Variants in UBE3C observed in about 807,000 individuals in gnomAD.
UBE3C encodes the protein ubiquitin protein ligase E3C, also known as ubiquitin-protein ligase E3C.
Under a neutral mutation model 129.4 loss-of-function variants are expected in UBE3C, and 42 were observed. The ratio of observed to expected loss-of-function variants is 0.32; its 90% CI spans 0.25 to 0.42. UBE3C has a LOEUF of 0.42. Ranked by LOEUF, UBE3C falls within the 10% of genes least tolerant of loss-of-function variation. The pLI, the probability that UBE3C is intolerant of heterozygous loss-of-function variation, is 1.00. For missense variants in UBE3C, 1,049 were observed against 1,319.1 expected, an observed-to-expected ratio of 0.80 and a Z score of 3.17; for synonymous variants, 510 against 492.4, an observed-to-expected ratio of 1.04 and a Z score of -0.47.
At chr7:157,167,488 C>G (rs1455638778) in intron 2 of UBE3C, among the ~76,000 whole-genome samples, 7 of 151,918 alleles carry the variant, frequency 4.6e-5, no homozygotes, top group Non-Finnish European at 8.8e-5. Context: ...GGAAGTGATG[C>G]TCACCTGTAA....
In UBE3C at chr7:157,207,548, C is replaced by T. The variant is rs938115253; in HGVS notation, c.1569C>T (p.Pro523=). ...ATGATAACGAATTCTTCGGTGATCC[C>T]ATAGAAGGTAAGGATTTTGAGAAAC... ...SIHDNEFFGD[P]IEVVGQRQSS... The change falls in exon 12 of 23, where the codon CCC becomes CCT. Residue 523 remains proline (P), a synonymous_variant. Transcript: ENST00000348165. 8 of 1,610,710 alleles carry T rather than the reference C, an allele frequency of 5.0e-6. No individual in the cohort carries two copies. Among genetic ancestry groups the T allele is most frequent in the African/African-American group, 2.7e-5 (2 of 74,572 alleles).
chr7:157,247,759 C>T (rs561599522), intron 18 of UBE3C, among the ~76,000 whole-genome samples: 4 of 152,124 alleles, frequency 2.6e-5, no homozygotes, highest in African/African-American at 9.6e-5. Context: ...AAATTTGGAA[C>T]ATAGCCACCC....
chr7:157,178,916 T>G, intron 6 of UBE3C, 69 bp downstream of exon 6: 1 of 1,566,070 alleles, frequency 6.4e-7, no homozygotes, highest in Non-Finnish European at 8.7e-7. Flanking sequence ...GCCAGCCTGC[T>G]GCTGTGAGCC....
chr7:157,198,116 C>T (rs1809174992), intron 10 of UBE3C: 15 of 1,612,382 alleles, frequency 9.3e-6, no homozygotes, highest in East Asian at 2.2e-5. Flanking sequence ...TGTAAGGTCT[C>T]AATTCTCCAT....
chr7:157,149,654 A>C (rs1030201615), intron 1 of UBE3C, among the ~76,000 whole-genome samples: 21 of 152,138 alleles, frequency 1.4e-4, no homozygotes, highest in African/African-American at 4.1e-4. Context: ...GATTTTCTTG[A>C]GTTACAGTGT....
chr7:157,261,910 C>T (rs551121722), intron 22 of UBE3C, among the ~76,000 whole-genome samples: 1 of 152,312 alleles, frequency 6.6e-6, no homozygotes, highest in East Asian at 1.9e-4. Flanking sequence ...TAATTATGCA[C>T]AAAATGGTGC....
chr7:157,201,305 C>G (rs901906681), intron 10 of UBE3C, among the ~76,000 whole-genome samples: 4 of 152,058 alleles, frequency 2.6e-5, no homozygotes, highest in South Asian at 4.2e-4. Flanking sequence ...GCCTGGGCAA[C>G]AGAGCAAGAC....
intron 10 of UBE3C, chr7:157,188,869 C>T: frequency 2.0e-6 from 1 of 495,488 alleles, no homozygotes. Flanking sequence ...CATTCACAGG[C>T]CCTCACTGAT....
intron 18 of UBE3C, among the ~76,000 whole-genome samples, chr7:157,232,853 G>A (rs1053267758): frequency 6.6e-6 from 1 of 152,178 alleles, no homozygotes; most frequent in Non-Finnish European, 1.5e-5. Context: ...TGCAAAACAG[G>A]TGGTGCTTTT....
At chr7:157,166,800 C>G (rs955533960) in intron 2 of UBE3C, among the ~76,000 whole-genome samples, 2 of 150,780 alleles carry the variant, frequency 1.3e-5, no homozygotes, top group African/African-American at 4.9e-5. Flanking sequence ...TGATTAAAAT[C>G]TATTGTTGGA....
rs748444914 is a variant in UBE3C at position 157,182,123 on chromosome 7, A to G, written c.786A>G (p.Thr262=). The change falls in exon 8 of 23, where the codon ACA becomes ACG. Residue 262 remains threonine, a synonymous_variant. Transcript: ENST00000348165. ...TCTTTTTCAGGCAACAAGTTTTTAC[A>G]GCCTTCACAGAGGAGTTTCTGGCAG... ...CPEGARQQVF[T]AFTEEFLAAP... is the part of the protein sequence containing the mutation. 3 of 1,565,022 alleles carry G rather than the reference A, an allele frequency of 1.9e-6. No homozygotes were observed. The highest frequency in any genetic ancestry group is 2.6e-6 in the Non-Finnish European group (3 of 1,162,494).
intron 11 of UBE3C, among the ~76,000 whole-genome samples, chr7:157,205,879 C>T (rs985573497): frequency 2.0e-5 from 3 of 152,192 alleles, no homozygotes; most frequent in Non-Finnish European, 4.4e-5. Context: ...TCCCCTGAAC[C>T]ATGCACCATG....
At chr7:157,203,041 T>C (rs1173751386) in intron 11 of UBE3C, among the ~76,000 whole-genome samples, 2 of 152,220 alleles carry the variant, frequency 1.3e-5, no homozygotes, top group East Asian at 3.9e-4. Flanking sequence ...AGCTTTTTCA[T>C]GCAATATGTA....
intron 1 of UBE3C, among the ~76,000 whole-genome samples, chr7:157,149,229 C>T (rs1807690180): frequency 6.6e-6 from 1 of 152,002 alleles, no homozygotes; most frequent in African/African-American, 2.4e-5. Flanking sequence ...GCTAATTTTT[C>T]TATTTTTAGT....
At chr7:157,147,110 A>G (rs1233558190) in intron 1 of UBE3C, among the ~76,000 whole-genome samples, 2 of 152,340 alleles carry the variant, frequency 1.3e-5, no homozygotes, top group African/African-American at 4.8e-5. Flanking sequence ...CTGAATTGGT[A>G]GATCAAGTTG....
At chr7:157,164,364 C>T (rs888029995) in intron 2 of UBE3C, 5 of 456,332 alleles carry the variant, frequency 1.1e-5, no homozygotes, top group South Asian at 6.2e-5. Flanking sequence ...GCTTTGCTGC[C>T]GAGGCTGATT....
chr7:157,258,521 G>A (rs957194917), intron 22 of UBE3C, among the ~76,000 whole-genome samples: 3 of 152,198 alleles, frequency 2.0e-5, no homozygotes, highest in Non-Finnish European at 2.9e-5. Context: ...GGGCAATGGC[G>A]TGATTTCCGC....
chr7:157,174,045 C>A (rs569573154), intron 4 of UBE3C, among the ~76,000 whole-genome samples: 6 of 152,084 alleles, frequency 3.9e-5, no homozygotes, highest in Non-Finnish European at 8.8e-5. Context: ...GGCTATGTGG[C>A]GTATTTATGA....
chr7:157,170,075 C>A (rs1808323513), intron 3 of UBE3C, among the ~76,000 whole-genome samples: 1 of 141,460 alleles, frequency 7.1e-6, no homozygotes, highest in African/African-American at 2.9e-5. Context: ...CTGCCTTGGC[C>A]CCCTGAAGTG....
Sources: allele counts gnomAD v4.1 joint callset (sites outside exome capture counted in the v4.1 genomes callset), GRCh38; gene constraint gnomAD v4.1.1; transcripts MANE v1.5; gene names NCBI Gene and HGNC (gene_info 2026-07-23, HGNC 2026-07-21).